The following SUPT3H variants were observed in gnomAD, a reference collection of about 807,000 sequenced individuals.
The protein encoded by SUPT3H is SPT3 homolog, SAGA and STAGA complex component.
SUPT3H carries 44 observed loss-of-function variants against 44.3 expected under a neutral mutation model. The ratio of observed to expected loss-of-function variants is 0.99; its 90% CI spans 0.78 to 1.28. The LOEUF is 1.28. SUPT3H is among the 50% of genes most tolerant of loss of function. The probability of loss-of-function intolerance (pLI) is 0.00; values close to 1 mark genes in which losing one functional copy is unlikely to be tolerated. For missense variants in SUPT3H, 380 were observed against 387.1 expected (o/e 0.98, Z 0.15); for synonymous variants, 124 against 125.6 (o/e 0.99, Z 0.09).
chr6:45,014,308 T>A (rs1464910777), intron 5 of SUPT3H, among the ~76,000 whole-genome samples: 5 of 152,136 alleles, frequency 3.3e-5, no homozygotes, highest in Non-Finnish European at 7.4e-5. Flanking sequence ...CCAAACTTCA[T>A]GGTGTCTGAA....
intron 10 of SUPT3H, among the ~76,000 whole-genome samples, chr6:44,931,052 T>C (rs1770512405): frequency 1.3e-5 from 2 of 152,340 alleles, no homozygotes; most frequent in South Asian, 2.1e-4. Flanking sequence ...TCAGGTGATC[T>C]GTCCAGTCTA....
chr6:45,274,816 C>T (rs1317699768), intron 2 of SUPT3H, among the ~76,000 whole-genome samples: 1 of 152,002 alleles, frequency 6.6e-6, no homozygotes, highest in Non-Finnish European at 1.5e-5. Context: ...CCCAGGAGGT[C>T]GAGACTGCAG....
chr6:45,116,505 T>C (rs1192581986), intron 2 of SUPT3H, among the ~76,000 whole-genome samples: 2 of 152,204 alleles, frequency 1.3e-5, no homozygotes, highest in African/African-American at 4.8e-5. Flanking sequence ...TCACTATGCC[T>C]GTCCCTCTGC....
In SUPT3H at chr6:45,039,792, GA is replaced by G. The variant is rs200127113; in HGVS notation, c.187-19161del. Among the ~76,000 whole-genome samples the G allele has an allele frequency of 9.6e-3, 1,374 of 142,610 alleles. 16 individuals carry two copies. Among genetic ancestry groups the G allele is most frequent in the South Asian group, 0.03 (136 of 4,552 alleles). The allele number at this position is 142,610 out of a possible 152,430, so 93.6% of individuals were successfully genotyped here. A position where few individuals can be genotyped will look rare whatever the true frequency, so the allele number is the denominator to read the frequency against. On this transcript the variant is annotated intron_variant, in intron 3 of 10. Transcript: ENST00000371459. ...TAAGAGAGACTATGTCTCAAAAAAA[GA>G]AAAAAACAAAAACAAAAAACAAACA...
chr6:45,148,516 G>C (rs1806447064), intron 2 of SUPT3H, among the ~76,000 whole-genome samples: 1 of 152,122 alleles, frequency 6.6e-6, no homozygotes, highest in Non-Finnish European at 1.5e-5. Flanking sequence ...ACAGAAAACT[G>C]AACCAAGTCA....
At chr6:45,143,085 G>A (rs1805507619) in intron 2 of SUPT3H, among the ~76,000 whole-genome samples, 1 of 151,982 alleles carries the variant, frequency 6.6e-6, no homozygotes, top group African/African-American at 2.4e-5. Context: ...CCTAAGAAAT[G>A]AGATAGACAG....
chr6:45,036,950 G>A (rs1787765699), intron 3 of SUPT3H, among the ~76,000 whole-genome samples: 1 of 152,102 alleles, frequency 6.6e-6, no homozygotes, highest in Non-Finnish European at 1.5e-5. Context: ...AACTTCCAAA[G>A]CAAGCAGACA....
At chr6:45,289,931 C>A (rs781637627) in intron 2 of SUPT3H, among the ~76,000 whole-genome samples, 4 of 152,168 alleles carry the variant, frequency 2.6e-5, no homozygotes, top group Non-Finnish European at 4.4e-5. Flanking sequence ...CCTATAGTCA[C>A]CTAGCATGTT....
chr6:44,926,307 C>G (rs184293412), intron 10 of SUPT3H, among the ~76,000 whole-genome samples: 2 of 151,632 alleles, frequency 1.3e-5, no homozygotes, highest in African/African-American at 4.8e-5. Context: ...CTTAAGACAA[C>G]GGAATATTAT....
chr6:45,337,955 T>C (rs901602851), intron 2 of SUPT3H, among the ~76,000 whole-genome samples: 4 of 152,134 alleles, frequency 2.6e-5, no homozygotes, highest in South Asian at 2.1e-4. Context: ...TTATCACCTA[T>C]AAATTTTAAA....
chr6:44,951,618 A>G (rs1370901784), intron 9 of SUPT3H, among the ~76,000 whole-genome samples: 1 of 152,196 alleles, frequency 6.6e-6, no homozygotes, highest in African/African-American at 2.4e-5. Flanking sequence ...CCCACCTCCC[A>G]GAGAGCCCAG....
At chr6:45,137,966 T>C (rs1273228371) in intron 2 of SUPT3H, among the ~76,000 whole-genome samples, 1 of 152,108 alleles carries the variant, frequency 6.6e-6, no homozygotes, top group African/African-American at 2.4e-5. Context: ...GAATATCATA[T>C]ATCTGAAGGA....
chr6:44,885,943 CA>C (rs1762201375), intron 10 of SUPT3H, among the ~76,000 whole-genome samples: 1 of 151,876 alleles, frequency 6.6e-6, no homozygotes, highest in African/African-American at 2.4e-5. Flanking sequence ...AGCTGAAAGC[CA>C]AGGCATGAGA....
chr6:44,955,913 G>C (rs1775069626), intron 7 of SUPT3H, among the ~76,000 whole-genome samples: 1 of 151,764 alleles, frequency 6.6e-6, no homozygotes, highest in Non-Finnish European at 1.5e-5. Flanking sequence ...GAGGTCAGGA[G>C]ATCGAGACCA....
At chr6:45,149,178 T>C (rs189449731) in intron 2 of SUPT3H, among the ~76,000 whole-genome samples, 1 of 152,236 alleles carries the variant, frequency 6.6e-6, no homozygotes, top group Admixed American at 6.5e-5. Flanking sequence ...TGCCTATACA[T>C]AAGAATAACC....
intron 2 of SUPT3H, among the ~76,000 whole-genome samples, chr6:45,158,298 A>ATATATATATATATATAT: frequency 6.0e-5 from 6 of 99,694 alleles, no homozygotes; most frequent in African/African-American, 3.0e-4. Flanking sequence ...ATATATATAT[A>ATATATATATATATATAT]TTTTTTTTTT....
At chr6:44,944,479 G>C (rs1163903351) in intron 9 of SUPT3H, among the ~76,000 whole-genome samples, 1 of 151,812 alleles carries the variant, frequency 6.6e-6, no homozygotes, top group Non-Finnish European at 1.5e-5. Flanking sequence ...ATACAGATCG[G>C]GGGAGGGCAC....
At chr6:45,358,420 ACAG>A (rs1217100666) in intron 2 of SUPT3H, among the ~76,000 whole-genome samples, 2 of 152,200 alleles carry the variant, frequency 1.3e-5, no homozygotes, top group Non-Finnish European at 2.9e-5. Context: ...GGAAAGTTCT[ACAG>A]CATGCTATAA....
chr6:44,912,715 T>C (rs150624297), intron 10 of SUPT3H, among the ~76,000 whole-genome samples: 12 of 152,324 alleles, frequency 7.9e-5, no homozygotes, highest in African/African-American at 2.6e-4. Context: ...TGATGTGAAG[T>C]TTAACACTTA....
Sources: gnomAD v4.1 joint callset for allele counts (sites outside exome capture counted in the v4.1 genomes callset) on GRCh38, gnomAD v4.1.1 for gene constraint, MANE v1.5 for transcripts, NCBI Gene and HGNC (gene_info 2026-07-23, HGNC 2026-07-21) for gene names.